Variants in ABRAXAS1 observed in about 807,000 individuals in gnomAD.
ABRAXAS1 encodes BRCA1-A complex subunit Abraxas 1.
ABRAXAS1 carries 26 observed loss-of-function variants against 38.4 expected under a neutral mutation model. The observed-to-expected ratio is 0.68, with a 90% CI of 0.50 to 0.94. ABRAXAS1 has a LOEUF of 0.94. ABRAXAS1 is among the 40% of genes least tolerant of loss of function. ABRAXAS1 has a pLI of 0.00. For missense variants in ABRAXAS1, 438 were observed against 481.9 expected (o/e 0.91, Z 0.85); for synonymous variants, 144 against 165.5 (o/e 0.87, Z 1.00).
At chr4:83,482,043 C>T in intron 2 of ABRAXAS1, 111 bp downstream of exon 2, 1 of 684,576 alleles carries the variant, frequency 1.5e-6, no homozygotes. Flanking sequence ...CCTTGCCCAG[C>T]CTCTGTATTT....
chr4:83,468,627 G>T (rs1722468146), intron 6 of ABRAXAS1, among the ~76,000 whole-genome samples: 1 of 152,032 alleles, frequency 6.6e-6, no homozygotes, highest in Non-Finnish European at 1.5e-5. Context: ...ATAATTTTTA[G>T]GCTATATACT....
intron 6 of ABRAXAS1, among the ~76,000 whole-genome samples, chr4:83,468,503 C>A (rs1264656463): frequency 6.6e-6 from 1 of 151,932 alleles, no homozygotes; most frequent in Non-Finnish European, 1.5e-5. Context: ...ACTTAATGGC[C>A]ACAAAGAAAG....
rs528074283 is a variant in ABRAXAS1, at chr4:83,482,993, C to T, written c.88-749G>A. Among the ~76,000 whole-genome samples, 67 of 152,182 alleles carry T rather than the reference C, an allele frequency of 4.4e-4. 1 individual carries two copies. The highest frequency in any genetic ancestry group is 1.4e-3 in the African/African-American group (59 of 41,452). On this transcript the variant is annotated intron_variant, in intron 1 of 8. Coordinates refer to ENST00000321945, the MANE Select transcript of ABRAXAS1 (RefSeq NM_139076.3). ...AGAACGAGCCAATAATGGGACACCC[C>T]GAATGACTACTCTGGATTTAACCAC...
rs1722085012 is a variant in ABRAXAS1, at chr4:83,461,020, G to C, written c.*1449C>G. ...AGAAATCACAAAAGCAATTAAGAGA[G>C]CTCAAATAATGGGTAAGAAAGAATA... On this transcript the variant is annotated 3_prime_UTR_variant, in exon 9 of 9. Coordinates refer to ENST00000321945, the MANE Select transcript of ABRAXAS1 (RefSeq NM_139076.3). 1 of 1,612,240 alleles carries C rather than the reference G, an allele frequency of 6.2e-7. No homozygotes were observed. The highest frequency in any genetic ancestry group is 8.5e-7 in the Non-Finnish European group (1 of 1,179,342).
chr4:83,469,004 GT>G (rs1458766035), intron 6 of ABRAXAS1, 27 bp downstream of exon 6: 1 of 1,597,724 alleles, frequency 6.3e-7, no homozygotes, highest in African/African-American at 1.3e-5. Flanking sequence ...ATGAATAGAA[GT>G]TTTGTGAGAA....
chr4:83,478,180 A>G, intron 2 of ABRAXAS1: 1 of 723,872 alleles, frequency 1.4e-6, no homozygotes, highest in Admixed American at 1.8e-5. Context: ...CCAGCTTTAC[A>G]TATGGTTTGG....
chr4:83,464,457 A>G (rs188162460), intron 7 of ABRAXAS1, among the ~76,000 whole-genome samples: 1 of 152,340 alleles, frequency 6.6e-6, no homozygotes, highest in Non-Finnish European at 1.5e-5. Flanking sequence ...ACAAAAATAT[A>G]AGATGATGTT....
intron 2 of ABRAXAS1, among the ~76,000 whole-genome samples, chr4:83,481,147 A>T (rs897349354): frequency 3.7e-4 from 56 of 152,146 alleles, no homozygotes; most frequent in African/African-American, 1.3e-3. Flanking sequence ...AAAAAAGAAA[A>T]GAAATGAAAA....
At chr4:83,483,547 T>C (rs1723069201) in intron 1 of ABRAXAS1, among the ~76,000 whole-genome samples, 1 of 152,138 alleles carries the variant, frequency 6.6e-6, no homozygotes, top group Non-Finnish European at 1.5e-5. Flanking sequence ...CGTCCCAAAG[T>C]GCTGTGATTA....
At chr4:83,463,472 T>G in intron 8 of ABRAXAS1, 22 bp downstream of exon 8, 2 of 1,464,418 alleles carry the variant, frequency 1.4e-6, no homozygotes, top group Non-Finnish European at 1.9e-6. Flanking sequence ...GCACAGAAAG[T>G]AGAGATGTGT....
At position 83,461,568 on chromosome 4, in the gene ABRAXAS1, T is replaced by C. The variant is rs1005229888; in HGVS notation, c.*901A>G. 2 of 309,712 alleles carry C rather than the reference T, an allele frequency of 6.5e-6. No homozygotes were observed. Among genetic ancestry groups the C allele is most frequent in the African/African-American group, 2.1e-5 (1 of 48,312 alleles). 19.2% of individuals were successfully genotyped at this position (309,712 alleles called of 1,614,324 possible). A position where few individuals can be genotyped will look rare whatever the true frequency, so the allele number is the denominator to read the frequency against. Reference sequence around the variant, plus strand: ...AGAAATGTTACATTGGGATGGATAGTGGTGCTGTCACAGAAGGACAAAATA... The same window carrying C: ...AGAAATGTTACATTGGGATGGATAGCGGTGCTGTCACAGAAGGACAAAATA... On this transcript the variant is annotated 3_prime_UTR_variant, in exon 9 of 9. Transcript: ENST00000321945.
intron 1 of ABRAXAS1, among the ~76,000 whole-genome samples, chr4:83,484,408 G>C (rs1190418639): frequency 6.6e-6 from 1 of 152,172 alleles, no homozygotes; most frequent in East Asian, 1.9e-4. Context: ...AATAGGCAAC[G>C]TACTTTTAAA....
rs188900531 is a variant in ABRAXAS1, at chr4:83,470,533, A to G, written c.283-137T>C. 1.6e-3 allele frequency: 892 copies of G among 573,166 alleles called. 2 individuals are homozygous for G. The Middle Eastern group carries it at 0.016, about 10-fold the overall frequency. 35.5% of individuals were successfully genotyped at this position (573,166 alleles called of 1,614,324 possible). On this transcript the variant is annotated intron_variant, in intron 4 of 8. Coordinates refer to ENST00000321945, the MANE Select transcript of ABRAXAS1 (RefSeq NM_139076.3). ...GATTTGGGGCATATATAAACAAAGA[A>G]TACATTTAATCATATGCTTTACTTT... is the stretch of plus-strand genomic sequence containing the variant.
chr4:83,469,071 C>G lies in ABRAXAS1; in HGVS notation c.557G>C (p.Cys186Ser). The G allele has an allele frequency of 6.2e-7, 1 of 1,613,674 alleles. No homozygotes were observed. The highest frequency in any genetic ancestry group is 8.5e-7 in the Non-Finnish European group (1 of 1,179,974). Residue 186 changes from cysteine (C) to serine (S), a missense_variant, in exon 6 of 9, where the codon TGT (cysteine) becomes TCT (serine). Physicochemically the swap from Cys to Ser is moderately radical, Grantham distance 112 (BLOSUM62 -1). Transcript: ENST00000321945. ...QLGYKTVSGS[C>S]MSTGFSRAVQ... ...TGCTCGGCTAAAACCAGTGGACATA[C>G]AGGAACCTGATACAGTTTTATAACC...
At chr4:83,464,129 G>A (rs1227893445) in intron 7 of ABRAXAS1, among the ~76,000 whole-genome samples, 3 of 152,182 alleles carry the variant, frequency 2.0e-5, no homozygotes, top group Non-Finnish European at 2.9e-5. Flanking sequence ...AGAGGTTGCA[G>A]TGAGCCAAAA....
At chr4:83,467,612 G>A (rs1385917782) in intron 6 of ABRAXAS1, 74 bp from the exon 7 acceptor site, 1 of 776,254 alleles carries the variant, frequency 1.3e-6, no homozygotes, top group East Asian at 2.5e-5. Context: ...CTTATTCATT[G>A]TCAAGGACCA....
intron 4 of ABRAXAS1, among the ~76,000 whole-genome samples, chr4:83,471,585 TTG>T (rs1468005873): frequency 2.0e-5 from 3 of 152,194 alleles, no homozygotes; most frequent in Admixed American, 1.3e-4. Flanking sequence ...TGAAAAAATT[TTG>T]TGTTTGGGGA....
intron 6 of ABRAXAS1, 71 bp downstream of exon 6, chr4:83,468,961 G>C: frequency 1.9e-6 from 3 of 1,549,230 alleles, no homozygotes; most frequent in Non-Finnish European, 2.7e-6. Flanking sequence ...TTATTCTGCT[G>C]TTGTTTGAGA....
chr4:83,477,511 T>C, intron 2 of ABRAXAS1: 1 of 409,904 alleles, frequency 2.4e-6, no homozygotes, highest in South Asian at 2.2e-5. Flanking sequence ...AGTCATCTGA[T>C]GAGCCTGAGC....
Sources: gnomAD v4.1 joint callset for allele counts (sites outside exome capture counted in the v4.1 genomes callset) on GRCh38, gnomAD v4.1.1 for gene constraint, MANE v1.5 for transcripts, NCBI Gene and HGNC (gene_info 2026-07-23, HGNC 2026-07-21) for gene names.